The following FKBP5 variants were observed in gnomAD, a reference collection of about 807,000 sequenced individuals.
The protein encoded by FKBP5 is FKBP prolyl isomerase 5.
FKBP5 carries 23 observed loss-of-function variants against 50.5 expected under a neutral mutation model. That is an observed-to-expected ratio of 0.46 (90% CI 0.33 to 0.65). The LOEUF (loss-of-function observed/expected upper bound fraction) is 0.65, where lower values mean the gene tolerates loss of function less well. FKBP5 is among the 30% of genes least tolerant of loss of function. FKBP5 has a pLI of 0.02. For missense variants in FKBP5, 411 were observed against 553.1 expected, an observed-to-expected ratio of 0.74 and a Z score of 2.58; for synonymous variants, 176 against 190.6, an observed-to-expected ratio of 0.92 and a Z score of 0.63.
At chr6:35,585,479 C>T in intron 8 of FKBP5, 1 of 985,240 alleles carries the variant, frequency 1.0e-6, no homozygotes, top group East Asian at 1.1e-4. Flanking sequence ...CATCTAACTC[C>T]CCTATTTTTC....
Position 35,677,143 on chromosome 6 carries a change from G to A in FKBP5, c.-20+11661C>T, listed in dbSNP as rs113714424. On this transcript the variant is annotated intron_variant, in intron 1 of 10. Transcript: ENST00000357266. Reference sequence around the variant, plus strand: ...GGCTGGAGTGCAGTGGCGCAATCTCGGCTCACTGCAAGCTCCGCCTCCCGG... The same window carrying A: ...GGCTGGAGTGCAGTGGCGCAATCTCAGCTCACTGCAAGCTCCGCCTCCCGG... 5.3e-3 allele frequency among the ~76,000 whole-genome samples: 802 copies of A among 152,218 alleles called. 10 individuals are homozygous for A. Among genetic ancestry groups the A allele is most frequent in the African/African-American group, 0.014 (565 of 41,536 alleles).
chr6:35,723,211 C>T (rs749114924), intron 1 of FKBP5, among the ~76,000 whole-genome samples: 3 of 151,464 alleles, frequency 2.0e-5, no homozygotes, highest in Admixed American at 6.6e-5. Flanking sequence ...CCAGCCTGGG[C>T]GACAGAGCGA....
chr6:35,725,913 G>A (rs1283987417), intron 1 of FKBP5, among the ~76,000 whole-genome samples: 1 of 152,162 alleles, frequency 6.6e-6, no homozygotes, highest in Non-Finnish European at 1.5e-5. Context: ...CCCACAGCTC[G>A]GGGCACCGCA....
At chr6:35,706,539 T>A (rs1291504397) in intron 2 of FKBP5, among the ~76,000 whole-genome samples, 2 of 152,234 alleles carry the variant, frequency 1.3e-5, no homozygotes, top group Non-Finnish European at 2.9e-5. Flanking sequence ...ATGCCATTTG[T>A]ATCTACTTGA....
chr6:35,580,408 T>C, intron 8 of FKBP5, 187 bp from the exon 9 acceptor site: 2 of 565,612 alleles, frequency 3.5e-6, no homozygotes, highest in South Asian at 2.5e-5. Flanking sequence ...GTGGGCTGGT[T>C]TGGGGCAGTG....
chr6:35,576,903 T>A, intron 10 of FKBP5, 91 bp downstream of exon 10: 1 of 1,485,086 alleles, frequency 6.7e-7, no homozygotes, highest in Non-Finnish European at 9.2e-7. Flanking sequence ...CTCTTGAGCC[T>A]CTTGGGTTGT....
chr6:35,646,249 T>C lies in FKBP5; in HGVS notation c.-19-3406A>G, dbSNP rs4713902. Among the ~76,000 whole-genome samples, 33,150 of 152,214 alleles carry C rather than the reference T, an allele frequency of 0.22. 4,322 individuals are homozygous for C. The highest frequency in any genetic ancestry group is 0.33 in the Middle Eastern group (98 of 294). On this transcript the variant is annotated intron_variant, in intron 1 of 10. Transcript: ENST00000357266. ...GATTTACTAGCTTTCTAAATCCCAT[T>C]TGATAAAGGAATTAGCTCTTCATGT...
chr6:35,720,939 T>G (rs572132024), intron 1 of FKBP5, among the ~76,000 whole-genome samples: 37 of 152,188 alleles, frequency 2.4e-4, no homozygotes, highest in Non-Finnish European at 4.7e-4. Context: ...ATTAGGAAAC[T>G]GAGGCTTAAA....
intron 2 of FKBP5, among the ~76,000 whole-genome samples, chr6:35,718,996 G>A (rs1766559950): frequency 6.6e-6 from 1 of 152,190 alleles, no homozygotes; most frequent in Non-Finnish European, 1.5e-5. Context: ...ACCTCTAGCA[G>A]AACAGGAGGC....
intron 1 of FKBP5, among the ~76,000 whole-genome samples, chr6:35,673,458 G>A (rs1239286553): frequency 6.6e-6 from 1 of 151,996 alleles, no homozygotes; most frequent in Non-Finnish European, 1.5e-5. Context: ...GCTGAGGTGG[G>A]AAGAACGCTT....
chr6:35,667,019 C>G (rs866523576), intron 1 of FKBP5, among the ~76,000 whole-genome samples: 8 of 148,900 alleles, frequency 5.4e-5, no homozygotes, highest in South Asian at 2.1e-4. Context: ...GTGTGTGTGT[C>G]TGTGTGTGTG....
At chr6:35,586,077 C>T (rs562976340) in intron 8 of FKBP5, 5 of 985,082 alleles carry the variant, frequency 5.1e-6, no homozygotes, top group East Asian at 1.1e-4. Flanking sequence ...TGGCAGAAAA[C>T]GAAAGAAACC....
chr6:35,602,306 C>G (rs184709201), intron 5 of FKBP5, among the ~76,000 whole-genome samples: 1 of 152,254 alleles, frequency 6.6e-6, no homozygotes, highest in African/African-American at 2.4e-5. Flanking sequence ...ATGCTCCAGC[C>G]TAAAGACATT....
At position 35,575,960 on chromosome 6, in the gene FKBP5, A is replaced by C; in HGVS notation, c.1267-18T>G. The C allele has an allele frequency of 6.6e-7, 1 of 1,520,348 alleles. No individual in the cohort carries two copies. The highest frequency in any genetic ancestry group is 1.1e-5 in the South Asian group (1 of 89,114). The allele number at this position is 1,520,348 out of a possible 1,614,324, so 94.2% of individuals were successfully genotyped here. On this transcript the variant is annotated intron_variant, in intron 10 of 10. Coordinates refer to ENST00000357266, the MANE Select transcript of FKBP5 (RefSeq NM_004117.4). ...GCCTCTTCCTAAGGAAGAAATAAGC[A>C]ATCAAGAAGGTTAGAGAATAAAGAA...
At chr6:35,609,249 T>C (rs969658111) in intron 5 of FKBP5, among the ~76,000 whole-genome samples, 4 of 152,182 alleles carry the variant, frequency 2.6e-5, no homozygotes, top group African/African-American at 9.7e-5. Flanking sequence ...TTTTGGTACA[T>C]CCCACAGTAT....
At chr6:35,640,358 A>C (rs1421372779) in intron 2 of FKBP5, among the ~76,000 whole-genome samples, 2 of 152,204 alleles carry the variant, frequency 1.3e-5, no homozygotes, top group African/African-American at 2.4e-5. Context: ...GCATATCTCA[A>C]CATAGAAAAA....
At chr6:35,598,547 C>A (rs1320391156) in intron 5 of FKBP5, among the ~76,000 whole-genome samples, 2 of 152,036 alleles carry the variant, frequency 1.3e-5, no homozygotes, top group Non-Finnish European at 2.9e-5. Context: ...CTAGGAAAAA[C>A]AATTCTCTGA....
At chr6:35,619,690 A>G (rs1012420512) in intron 4 of FKBP5, among the ~76,000 whole-genome samples, 26 of 152,220 alleles carry the variant, frequency 1.7e-4, no homozygotes, top group African/African-American at 6.0e-4. Flanking sequence ...ATGTAATTCA[A>G]CATAGGATGA....
At chr6:35,640,127 G>A (rs765075552) in intron 2 of FKBP5, among the ~76,000 whole-genome samples, 4 of 152,170 alleles carry the variant, frequency 2.6e-5, no homozygotes, top group South Asian at 2.1e-4. Flanking sequence ...GTCATGCATC[G>A]CTTAAGGACA....
Sources: allele counts gnomAD v4.1 joint callset (sites outside exome capture counted in the v4.1 genomes callset), GRCh38; gene constraint gnomAD v4.1.1; transcripts MANE v1.5; gene names NCBI Gene and HGNC (gene_info 2026-07-23, HGNC 2026-07-21).